ITGA8: variants seen among roughly 807,000 people sequenced by gnomAD.
ITGA8 encodes the protein integrin subunit alpha 8, also known as integrin alpha-8.
In ITGA8, 91 loss-of-function variants were observed where a neutral mutation model predicts 142.3. That is an observed-to-expected ratio of 0.64 (90% CI 0.54 to 0.76). The LOEUF (loss-of-function observed/expected upper bound fraction) is 0.76. ITGA8 is among the 30% of genes least tolerant of loss of function. The pLI, the probability that ITGA8 is intolerant of heterozygous loss-of-function variation, is 0.00. For missense variants in ITGA8, 1,406 were observed against 1,327.7 expected (o/e 1.06, Z -0.92); for synonymous variants, 505 against 485.2 (o/e 1.04, Z -0.54).
intron 21 of ITGA8, chr10:15,596,602 G>A (rs148628017): frequency 5.9e-5 from 9 of 152,434 alleles, no homozygotes; most frequent in East Asian, 3.9e-4. Flanking sequence ...CAAGATCAAC[G>A]CAACATTATA....
chr10:15,563,357 AT>A (rs1346288309), intron 25 of ITGA8, among the ~76,000 whole-genome samples: 2 of 152,218 alleles, frequency 1.3e-5, no homozygotes, highest in Non-Finnish European at 2.9e-5. Context: ...AAAATTAAGA[AT>A]TGTGGAAATC....
intron 2 of ITGA8, among the ~76,000 whole-genome samples, chr10:15,692,374 C>T (rs569217590): frequency 8.5e-5 from 13 of 152,184 alleles, no homozygotes; most frequent in African/African-American, 2.4e-4. Flanking sequence ...TGACATTTCA[C>T]AACTTAAAAG....
intron 20 of ITGA8, among the ~76,000 whole-genome samples, chr10:15,599,645 A>G (rs1476671062): frequency 2.0e-5 from 3 of 152,032 alleles, no homozygotes; most frequent in African/African-American, 4.8e-5. Flanking sequence ...GGCCCAGCAG[A>G]CATGGTGGCT....
chr10:15,650,089 T>C (rs573078076), intron 11 of ITGA8, among the ~76,000 whole-genome samples: 14 of 152,270 alleles, frequency 9.2e-5, no homozygotes, highest in Admixed American at 2.6e-4. Context: ...TATAATAATA[T>C]TCAGCAATGA....
At chr10:15,632,392 A>G (rs1045169603) in intron 13 of ITGA8, among the ~76,000 whole-genome samples, 3 of 152,236 alleles carry the variant, frequency 2.0e-5, no homozygotes, top group Admixed American at 6.5e-5. Flanking sequence ...AAAGCTGGAA[A>G]AAAGTCAGAT....
chr10:15,700,542 G>A (rs753689341), intron 2 of ITGA8, among the ~76,000 whole-genome samples: 1 of 152,160 alleles, frequency 6.6e-6, no homozygotes, highest in African/African-American at 2.4e-5. Context: ...CAGTAAACAT[G>A]CAGCCAAACC....
chr10:15,718,347 C>G (rs1208878669), intron 2 of ITGA8, among the ~76,000 whole-genome samples: 2 of 152,166 alleles, frequency 1.3e-5, no homozygotes, highest in Non-Finnish European at 2.9e-5. Context: ...CAGCTAAGTC[C>G]TGCCTCCCGA....
intron 27 of ITGA8, among the ~76,000 whole-genome samples, chr10:15,532,431 A>AAAAAAAAAAGG (rs1398247448): frequency 7.2e-6 from 1 of 139,064 alleles, no homozygotes; most frequent in Non-Finnish European, 1.5e-5. Context: ...AAAAAAAAAA[A>AAAAAAAAAAGG]AAAAAAAAAA....
At chr10:15,602,365 G>A (rs1413159600) in intron 20 of ITGA8, among the ~76,000 whole-genome samples, 1 of 152,132 alleles carries the variant, frequency 6.6e-6, no homozygotes, top group Non-Finnish European at 1.5e-5. Context: ...TATAAGTTGT[G>A]TGTATAATTA....
chr10:15,672,968 T>A (rs951307499), intron 6 of ITGA8, among the ~76,000 whole-genome samples: 1 of 152,218 alleles, frequency 6.6e-6, no homozygotes, highest in African/African-American at 2.4e-5. Flanking sequence ...ATTTTATTGG[T>A]CTTCCTGCTG....
intron 13 of ITGA8, among the ~76,000 whole-genome samples, chr10:15,638,099 T>C (rs1833804710): frequency 6.6e-6 from 1 of 152,214 alleles, no homozygotes; most frequent in African/African-American, 2.4e-5. Context: ...GCCTGCACTT[T>C]GCTAACATTC....
At chr10:15,574,821 A>C (rs549278698) in intron 24 of ITGA8, among the ~76,000 whole-genome samples, 11 of 152,214 alleles carry the variant, frequency 7.2e-5, no homozygotes, top group Non-Finnish European at 1.2e-4. Context: ...AGTTTAAAAG[A>C]TATAAACATA....
chr10:15,546,583 G>T (rs76713575), intron 27 of ITGA8, among the ~76,000 whole-genome samples: 8 of 152,008 alleles, frequency 5.3e-5, no homozygotes, highest in African/African-American at 1.7e-4. Context: ...GTGCTGCTAA[G>T]TATCCTATAA....
At chr10:15,623,298 C>T (rs537663352) in intron 13 of ITGA8, among the ~76,000 whole-genome samples, 7 of 152,316 alleles carry the variant, frequency 4.6e-5, no homozygotes, top group African/African-American at 1.7e-4. Flanking sequence ...CCCAGGCAGT[C>T]TGGCTCCTGA....
rs369227165 is a variant in ITGA8, at chr10:15,677,633, C to G, written c.635G>C (p.Gly212Ala). The change falls in exon 6 of 30, where the codon GGA becomes GCA. Residue 212 changes from glycine (G) to alanine (A), a missense_variant. Physicochemically the swap from Gly to Ala is moderately conservative, Grantham distance 60. Coordinates refer to ENST00000378076, the MANE Select transcript of ITGA8 (RefSeq NM_003638.3). The part of the protein sequence containing the change: ...AGFSLDFYKN[G>A]DLIVGGPGSF... ...CCCAGGTCCTCCCACAATAAGGTCT[C>G]CATTCTACAAAACAGAAACAGCAAC... The G allele has an allele frequency of 2.5e-6, 4 of 1,612,966 alleles. No homozygotes were observed. Among genetic ancestry groups the G allele is most frequent in the Non-Finnish European group, 3.4e-6 (4 of 1,179,518 alleles).
At chr10:15,622,559 G>T (rs1414151333) in intron 13 of ITGA8, among the ~76,000 whole-genome samples, 1 of 149,526 alleles carries the variant, frequency 6.7e-6, no homozygotes, top group African/African-American at 2.5e-5. Context: ...TCAAAATCTA[G>T]ACGACTTTTA....
chr10:15,603,999 A>G (rs1358460364), intron 20 of ITGA8, among the ~76,000 whole-genome samples: 4 of 152,064 alleles, frequency 2.6e-5, no homozygotes, highest in Non-Finnish European at 5.9e-5. Context: ...TGGCCAATCT[A>G]TCTTTGCACT....
At chr10:15,526,942 T>C (rs1356232579) in intron 28 of ITGA8, among the ~76,000 whole-genome samples, 1 of 152,256 alleles carries the variant, frequency 6.6e-6, no homozygotes, top group African/African-American at 2.4e-5. Context: ...ACATTTATGA[T>C]ATGTTTTTGT....
At position 15,644,206 on chromosome 10, in the gene ITGA8, A is replaced by G; in HGVS notation, c.1223T>C (p.Val408Ala). ...TCTTTGATCCTTGCCTGCAAAAGGC[A>G]CTCCGATGGCAATGTCTAAAAACAG... The part of the protein sequence containing the change: ...QDGYNDIAIG[V>A]PFAGKDQRGK... Residue 408 changes from valine (V) to alanine (A), a missense_variant, in exon 13 of 30, where the codon GTG (valine) becomes GCG (alanine). Physicochemically the swap from Val to Ala is moderately conservative, Grantham distance 64. Transcript: ENST00000378076. 1 of 1,613,322 alleles carries G rather than the reference A, an allele frequency of 6.2e-7. No individual in the cohort carries two copies. The highest frequency in any genetic ancestry group is 8.5e-7 in the Non-Finnish European group (1 of 1,179,640).
Sources: gnomAD v4.1 joint callset for allele counts (sites outside exome capture counted in the v4.1 genomes callset) on GRCh38, gnomAD v4.1.1 for gene constraint, MANE v1.5 for transcripts, NCBI Gene and HGNC (gene_info 2026-07-23, HGNC 2026-07-21) for gene names.